KLHDC1: variants seen among roughly 807,000 people sequenced by gnomAD.
KLHDC1 encodes the protein kelch domain-containing protein 1.
Under a neutral mutation model 68.3 loss-of-function variants are expected in KLHDC1, and 53 were observed. The observed-to-expected ratio is 0.78, with a 90% CI of 0.62 to 0.98. KLHDC1 has a LOEUF of 0.98. Ranked by LOEUF, KLHDC1 falls within the 50% of genes least tolerant of loss-of-function variation. KLHDC1 has a pLI of 0.00. For missense variants in KLHDC1, 470 were observed against 492.3 expected (o/e 0.95, Z 0.43); for synonymous variants, 148 against 159.0 (o/e 0.93, Z 0.52).
intron 1 of KLHDC1, among the ~76,000 whole-genome samples, chr14:49,695,948 C>G (rs1299778029): frequency 6.6e-6 from 1 of 151,878 alleles, no homozygotes; most frequent in Non-Finnish European, 1.5e-5. Context: ...CGCCTATAGT[C>G]TCAGCTACTG....
chr14:49,729,800 A>ATC (rs1888758873), intron 8 of KLHDC1, among the ~76,000 whole-genome samples: 1 of 152,236 alleles, frequency 6.6e-6, no homozygotes, highest in African/African-American at 2.4e-5. Flanking sequence ...TTGAGGATTG[A>ATC]TCAGTAGAAG....
intron 1 of KLHDC1, among the ~76,000 whole-genome samples, chr14:49,704,956 A>C (rs1488411346): frequency 6.6e-6 from 1 of 152,162 alleles, no homozygotes; most frequent in Non-Finnish European, 1.5e-5. Context: ...ACAGTTTAGC[A>C]GTATTGGTGG....
intron 9 of KLHDC1, among the ~76,000 whole-genome samples, chr14:49,734,298 G>T (rs1438140051): frequency 6.6e-6 from 1 of 152,138 alleles, no homozygotes; most frequent in Non-Finnish European, 1.5e-5. Context: ...ACTGAAGTAT[G>T]TATGGAGAAA....
chr14:49,709,139 T>C lies in KLHDC1; in HGVS notation c.97-20T>C, dbSNP rs767426728. 1 of 1,025,946 alleles carries C rather than the reference T, an allele frequency of 9.7e-7. No homozygotes were observed. The highest frequency in any genetic ancestry group is 2.6e-5 in the East Asian group (1 of 39,124). The allele number at this position is 1,025,946 out of a possible 1,614,324, so 63.6% of individuals were successfully genotyped here. ...GCTGTGTAACTGATAAACATAATTT[T>C]ATGTATTCTGTATTTTTAGTCTATT... is the stretch of plus-strand genomic sequence containing the variant. On this transcript the variant is annotated intron_variant, in intron 1 of 12. Coordinates refer to ENST00000359332, the MANE Select transcript of KLHDC1 (RefSeq NM_172193.3).
At chr14:49,740,210 C>T in intron 11 of KLHDC1, 28 bp downstream of exon 11, 10 of 1,347,944 alleles carry the variant, frequency 7.4e-6, no homozygotes, top group Non-Finnish European at 1.1e-5. Flanking sequence ...CTAAATATTT[C>T]CTCTGAGTAG....
At chr14:49,708,944 T>C (rs1888128972) in intron 1 of KLHDC1, among the ~76,000 whole-genome samples, 1 of 152,128 alleles carries the variant, frequency 6.6e-6, no homozygotes, top group Non-Finnish European at 1.5e-5. Context: ...ATATACTCGC[T>C]ATGTTTTATT....
chr14:49,718,510 G>A (rs1888436191), intron 4 of KLHDC1, among the ~76,000 whole-genome samples: 1 of 151,802 alleles, frequency 6.6e-6, no homozygotes, highest in Non-Finnish European at 1.5e-5. Flanking sequence ...TGAACTCCTG[G>A]ACTCAGGCAA....
intron 6 of KLHDC1, 62 bp from the exon 7 acceptor site, chr14:49,728,864 G>A (rs920389439): frequency 9.7e-6 from 11 of 1,139,018 alleles, no homozygotes; most frequent in Admixed American, 5.1e-5. Context: ...ACTGAGCATA[G>A]GAATGTAACT....
At chr14:49,749,090 C>T (rs533308249) in intron 12 of KLHDC1, among the ~76,000 whole-genome samples, 9 of 152,106 alleles carry the variant, frequency 5.9e-5, no homozygotes, top group South Asian at 4.2e-4. Flanking sequence ...TGAGCCACCC[C>T]GCCCAGCAGA....
chr14:49,730,055 C>T (rs548477222), intron 8 of KLHDC1, among the ~76,000 whole-genome samples: 75 of 151,940 alleles, frequency 4.9e-4, no homozygotes, highest in African/African-American at 1.7e-3. Flanking sequence ...AAAATGTTGG[C>T]ATGGAGAAAG....
chr14:49,729,540 G>C lies in KLHDC1; in HGVS notation c.702G>C (p.Trp234Cys), dbSNP rs998397107. 1 of 1,606,662 alleles carries C rather than the reference G, an allele frequency of 6.2e-7. No homozygotes were observed. Residue 234 changes from tryptophan (W) to cysteine (C), a missense_variant, in exon 8 of 13, where the codon TGG (tryptophan) becomes TGC (cysteine). Physicochemically the swap from Trp to Cys is radical, Grantham distance 215. Transcript: ENST00000359332. ...LHYLNLDTWTWSGRITINGES... is the reference protein window; with the variant it reads ...LHYLNLDTWTCSGRITINGES... The stretch of plus-strand genomic sequence containing the variant: ...ATCTAAACCTAGACACCTGGACTTG[G>C]TCTGGAAGGTAAGTTTGAAGTCTAA...
chr14:49,741,390 C>G (rs143438370), intron 11 of KLHDC1, among the ~76,000 whole-genome samples: 1 of 151,788 alleles, frequency 6.6e-6, no homozygotes, highest in Non-Finnish European at 1.5e-5. Context: ...GCTGCAGCCT[C>G]CACCTCCTGG....
intron 11 of KLHDC1, 131 bp downstream of exon 11, chr14:49,740,313 A>C: frequency 1.7e-6 from 1 of 585,416 alleles, no homozygotes; most frequent in East Asian, 3.1e-5. Flanking sequence ...TCTGTGGTTT[A>C]ATTAATCTTC....
chr14:49,743,860 T>C, intron 12 of KLHDC1, 55 bp downstream of exon 12: 2 of 1,065,470 alleles, frequency 1.9e-6, no homozygotes, highest in Non-Finnish European at 2.8e-6. Flanking sequence ...ATAATTTCTT[T>C]CTCATTTTTG....
intron 6 of KLHDC1, among the ~76,000 whole-genome samples, chr14:49,727,308 T>C (rs933373150): frequency 8.6e-5 from 13 of 151,954 alleles, no homozygotes; most frequent in African/African-American, 2.7e-4. Context: ...GGCATGTTCC[T>C]ACCCTTTACA....
intron 4 of KLHDC1, among the ~76,000 whole-genome samples, chr14:49,721,716 C>A (rs558327638): frequency 6.6e-6 from 1 of 152,204 alleles, no homozygotes; most frequent in South Asian, 2.1e-4. Context: ...TAGAGATTTG[C>A]AGCTGTGCTT....
chr14:49,693,128 C>T lies in KLHDC1; in HGVS notation c.-67C>T. Reference sequence around the variant, plus strand: ...CCGTTCGTGCGTGGAGCAGTCGGGGCTGGAGGCGAGGCCGCCGGGCGGGCA... The same window carrying T: ...CCGTTCGTGCGTGGAGCAGTCGGGGTTGGAGGCGAGGCCGCCGGGCGGGCA... On this transcript the variant is annotated 5_prime_UTR_variant, in exon 1 of 13. Transcript: ENST00000359332. 2 of 1,388,336 alleles carry T rather than the reference C, an allele frequency of 1.4e-6. No homozygotes were observed. Among genetic ancestry groups the T allele is most frequent in the Non-Finnish European group, 2.0e-6 (2 of 1,016,104 alleles). The allele number at this position is 1,388,336 out of a possible 1,614,324, so 86.0% of individuals were successfully genotyped here.
chr14:49,734,991 C>T (rs1315648617), intron 10 of KLHDC1, among the ~76,000 whole-genome samples: 1 of 151,862 alleles, frequency 6.6e-6, no homozygotes, highest in African/African-American at 2.4e-5. Flanking sequence ...TTTTAATAAG[C>T]AGACAAAAAT....
chr14:49,731,173 G>T (rs561068236), intron 8 of KLHDC1, among the ~76,000 whole-genome samples: 2 of 152,188 alleles, frequency 1.3e-5, no homozygotes, highest in East Asian at 3.9e-4. Flanking sequence ...AGAGCTACTT[G>T]GGAGGCTGAG....
Sources: gnomAD v4.1 joint callset for allele counts (sites outside exome capture counted in the v4.1 genomes callset) on GRCh38, gnomAD v4.1.1 for gene constraint, MANE v1.5 for transcripts, NCBI Gene and HGNC (gene_info 2026-07-23, HGNC 2026-07-21) for gene names.